PCDHGA3: variants seen among roughly 807,000 people sequenced by gnomAD.
PCDHGA3 encodes the protein protocadherin gamma-A3.
In PCDHGA3, 40 loss-of-function variants were observed where a neutral mutation model predicts 58.5. That is an observed-to-expected ratio of 0.68 (90% confidence interval 0.53 to 0.89). The LOEUF is 0.89. Among genes scored for constraint, PCDHGA3 ranks in the 40% least tolerant of loss-of-function variants. PCDHGA3 has a pLI of 0.00. For synonymous variants in PCDHGA3, 530 were observed against 525.7 expected (o/e 1.01, Z -0.11); for missense variants, 1,223 against 1,195.9 (o/e 1.02, Z -0.33).
chr5:141,402,867 C>A (rs996572604), intron 1 of PCDHGA3: 7 of 1,443,390 alleles, frequency 4.8e-6, no homozygotes, highest in Non-Finnish European at 6.4e-6. Context: ...AGGAAAAGAT[C>A]ACCATACTTT....
intron 1 of PCDHGA3, chr5:141,364,466 G>A (rs1391136210): frequency 6.2e-7 from 1 of 1,613,872 alleles, no homozygotes; most frequent in African/African-American, 1.3e-5. Context: ...CTCCTTCGTC[G>A]GCAACATAGC....
intron 1 of PCDHGA3, among the ~76,000 whole-genome samples, chr5:141,457,415 C>T (rs185690067): frequency 3.9e-4 from 60 of 152,300 alleles, no homozygotes; most frequent in African/African-American, 1.3e-3. Flanking sequence ...CATTACCCAT[C>T]CCTTTTTCCC....
rs755090005 is a variant in PCDHGA3, at chr5:141,388,852, G to A, written c.2424+42395G>A. 1.9e-5 allele frequency: 31 copies of A among 1,613,990 alleles called. 1 individual carries two copies. The South Asian group carries it at 3.0e-4, about 15-fold the overall frequency. On this transcript the variant is annotated intron_variant, in intron 1 of 3. Coordinates refer to ENST00000253812, the MANE Select transcript of PCDHGA3 (RefSeq NM_018916.4). ...ATAGTTTTGGAAGCAAGGGACGGTG[G>A]AGGAATGATTGCGCAATGCACAGTG...
intron 1 of PCDHGA3, chr5:141,385,603 T>C: frequency 1.7e-6 from 2 of 1,190,158 alleles, no homozygotes; most frequent in South Asian, 5.3e-5. Flanking sequence ...CTTTCTTAAC[T>C]CATATATTTT....
In PCDHGA3 at chr5:141,399,285, C is replaced by T. The variant is rs751998465; in HGVS notation, c.2424+52828C>T. 3 of 1,613,720 alleles carry T rather than the reference C, an allele frequency of 1.9e-6. No homozygotes were observed. In the African/African-American group the frequency reaches 4.0e-5, roughly 22 times the overall value. ...TTAATTGTCAATTACAAGGCGAAGTCCCTTTTAAGATTATCTCTTCATCCA... is the reference window on the plus strand; with the variant it reads ...TTAATTGTCAATTACAAGGCGAAGTTCCTTTTAAGATTATCTCTTCATCCA... On this transcript the variant is annotated intron_variant, in intron 1 of 3. Coordinates refer to ENST00000253812, the MANE Select transcript of PCDHGA3 (RefSeq NM_018916.4).
Position 141,489,956 on chromosome 5 carries a change from C to CTCCAACCT in PCDHGA3, c.2425-4845_2425-4838dup, listed in dbSNP as rs1176419823. Reference sequence around the variant, plus strand: ...ATCGTGCTGGACATCAATGATAATGCTCCAACCTTCCAATCCTCAGTTCTA... The same window carrying CTCCAACCT: ...ATCGTGCTGGACATCAATGATAATGCTCCAACCTTCCAACCTTCCAATCCTCAGTTCTA... On this transcript the variant is annotated intron_variant, in intron 1 of 3. Coordinates refer to ENST00000253812, the MANE Select transcript of PCDHGA3 (RefSeq NM_018916.4). The surrounding 1 kb of genome is among the most constrained non-coding windows in gnomAD (Gnocchi z 4.5). 16 of 1,614,012 alleles carry CTCCAACCT rather than the reference C, an allele frequency of 9.9e-6. No individual in the cohort carries two copies. The highest frequency in any genetic ancestry group is 1.4e-5 in the Non-Finnish European group (16 of 1,179,974).
rs757876687 is a variant in PCDHGA3 at position 141,413,273 on chromosome 5, G to A, written c.2424+66816G>A. On this transcript the variant is annotated intron_variant, in intron 1 of 3. Coordinates refer to ENST00000253812, the MANE Select transcript of PCDHGA3 (RefSeq NM_018916.4). The stretch of plus-strand genomic sequence containing the variant: ...GGGATTCCATGGGAGGCTGGAGCCC[G>A]GCAGATCTCCTACTCAATTCCTGAG... 4.3e-6 allele frequency: 7 copies of A among 1,613,920 alleles called. No homozygotes were observed. The highest frequency in any genetic ancestry group is 5.9e-6 in the Non-Finnish European group (7 of 1,179,902).
chr5:141,473,647 C>T (rs2099326149), intron 1 of PCDHGA3, among the ~76,000 whole-genome samples: 1 of 152,172 alleles, frequency 6.6e-6, no homozygotes, highest in Non-Finnish European at 1.5e-5. Flanking sequence ...GGCAAAGGAA[C>T]AATTTGTGTG....
intron 1 of PCDHGA3, among the ~76,000 whole-genome samples, chr5:141,444,242 G>A (rs964582042): frequency 7.5e-6 from 1 of 133,896 alleles, no homozygotes; most frequent in Non-Finnish European, 1.5e-5. Flanking sequence ...CATGCTCTCG[G>A]CTCACTGCAA....
intron 1 of PCDHGA3, chr5:141,375,428 C>A (rs749307933): frequency 2.5e-6 from 4 of 1,613,984 alleles, no homozygotes; most frequent in East Asian, 2.2e-5. Flanking sequence ...CAACGACAAC[C>A]CGCCCACCTT....
At chr5:141,374,200 G>A (rs372035857) in intron 1 of PCDHGA3, 17 of 1,613,778 alleles carry the variant, frequency 1.1e-5, no homozygotes, top group African/African-American at 2.7e-5. Context: ...CCGAGGAGCT[G>A]GAGAAAGGCT....
intron 1 of PCDHGA3, among the ~76,000 whole-genome samples, chr5:141,446,411 G>A (rs778985047): frequency 1.3e-5 from 2 of 152,086 alleles, no homozygotes; most frequent in Non-Finnish European, 2.9e-5. Flanking sequence ...TTGAGTTCCA[G>A]CCATGTTCAT....
chr5:141,401,429 G>A lies in PCDHGA3; in HGVS notation c.2424+54972G>A, dbSNP rs1305820458. ...AGAGAAAGAGAGAGACTGATTCACT[G>A]AACTTAGAAGGTCCAAATCATCCAA... On this transcript the variant is annotated intron_variant, in intron 1 of 3. Coordinates refer to ENST00000253812, the MANE Select transcript of PCDHGA3 (RefSeq NM_018916.4). Among the ~76,000 whole-genome samples the A allele has an allele frequency of 2.6e-5, 4 of 152,182 alleles. No homozygotes were observed. In the East Asian group the frequency reaches 7.7e-4, roughly 29 times the overall value.
At chr5:141,488,784 T>C (rs116057353) in intron 1 of PCDHGA3, among the ~76,000 whole-genome samples, 1 of 152,248 alleles carries the variant, frequency 6.6e-6, no homozygotes, top group African/African-American at 2.4e-5. Flanking sequence ...TTGTATCACT[T>C]TGTCTTCCCT....
chr5:141,393,522 G>C, intron 1 of PCDHGA3: 2 of 1,614,030 alleles, frequency 1.2e-6, no homozygotes, highest in South Asian at 2.2e-5. Flanking sequence ...GGATACAAAT[G>C]ACAATGCCCC....
At chr5:141,399,037 G>A (rs756325508) in intron 1 of PCDHGA3, 2 of 1,613,856 alleles carry the variant, frequency 1.2e-6, no homozygotes, top group African/African-American at 2.7e-5. Context: ...AAAGAAACTG[G>A]ATTTTGAAGA....
At position 141,490,076 on chromosome 5, in the gene PCDHGA3, A is replaced by G. The variant is rs1025569516; in HGVS notation, c.2425-4731A>G. 2.5e-6 allele frequency: 4 copies of G among 1,614,240 alleles called. No homozygotes were observed. The highest frequency in any genetic ancestry group is 1.3e-5 in the African/African-American group (1 of 75,070). Reference sequence around the variant, plus strand: ...GAGGGCACCAACGGCCAACTAGACTATTCTTTTGGAGACCACACATCTGAG... The same window carrying G: ...GAGGGCACCAACGGCCAACTAGACTGTTCTTTTGGAGACCACACATCTGAG... On this transcript the variant is annotated intron_variant, in intron 1 of 3. Coordinates refer to ENST00000253812, the MANE Select transcript of PCDHGA3 (RefSeq NM_018916.4). The surrounding 1 kb of genome is among the most constrained non-coding windows in gnomAD (Gnocchi z 5.4).
chr5:141,356,644 G>A, intron 1 of PCDHGA3: 10 of 1,614,084 alleles, frequency 6.2e-6, no homozygotes, highest in Non-Finnish European at 8.5e-6. Flanking sequence ...CCCTGACAGT[G>A]GTGACAATGC....
At chr5:141,406,177 A>G (rs929841923) in intron 1 of PCDHGA3, among the ~76,000 whole-genome samples, 2 of 151,308 alleles carry the variant, frequency 1.3e-5, no homozygotes. Flanking sequence ...GGCTTATGCA[A>G]TCCTCCCACC....
Sources: allele counts gnomAD v4.1 joint callset (sites outside exome capture counted in the v4.1 genomes callset), GRCh38; gene constraint gnomAD v4.1.1; non-coding constraint Gnocchi (gnomAD v3.1); transcripts MANE v1.5; gene names NCBI Gene and HGNC (gene_info 2026-07-23, HGNC 2026-07-21).